Variants in PRIMA1 observed in about 807,000 individuals in gnomAD.
PRIMA1 encodes proline rich membrane anchor 1, also known as proline-rich membrane anchor 1.
PRIMA1 carries 7 observed loss-of-function variants against 17.5 expected under a neutral mutation model. That is an observed-to-expected ratio of 0.40 (90% confidence interval 0.23 to 0.75). PRIMA1 has a LOEUF of 0.75. Ranked by LOEUF, PRIMA1 falls within the 30% of genes least tolerant of loss-of-function variation. The pLI, the probability that PRIMA1 is intolerant of heterozygous loss-of-function variation, is 0.37. For missense variants in PRIMA1, 200 were observed against 201.8 expected (o/e 0.99, Z 0.05); for synonymous variants, 97 against 77.9 (o/e 1.25, Z -1.29).
At chr14:93,773,601 C>T (rs1885127692) in intron 3 of PRIMA1, among the ~76,000 whole-genome samples, 1 of 152,180 alleles carries the variant, frequency 6.6e-6, no homozygotes, top group South Asian at 2.1e-4. Flanking sequence ...GCCTGAAAAA[C>T]CCAAGGGCAG....
intron 4 of PRIMA1, among the ~76,000 whole-genome samples, chr14:93,728,831 A>G (rs8008754): frequency 0.36 from 55,301 of 152,030 alleles, 10,560 homozygotes; most frequent in East Asian, 0.62. Context: ...CACACCAAGG[A>G]TGCCGGCAGA....
chr14:93,751,070 G>C (rs568954298), intron 3 of PRIMA1, among the ~76,000 whole-genome samples: 1 of 152,220 alleles, frequency 6.6e-6, no homozygotes, highest in African/African-American at 2.4e-5. Flanking sequence ...AGGCTCGGGG[G>C]AGCTGCTTCC....
intron 4 of PRIMA1, among the ~76,000 whole-genome samples, chr14:93,736,533 C>G (rs1449822958): frequency 2.6e-5 from 4 of 152,254 alleles, no homozygotes; most frequent in Admixed American, 6.5e-5. Flanking sequence ...GGCAGATGCC[C>G]AGGACATGGC....
chr14:93,782,634 C>CA (rs1885416013), intron 2 of PRIMA1, among the ~76,000 whole-genome samples: 1 of 152,178 alleles, frequency 6.6e-6, no homozygotes, highest in Admixed American at 6.5e-5. Flanking sequence ...CAAAACAAAA[C>CA]AAAAAAATCA....
intron 2 of PRIMA1, among the ~76,000 whole-genome samples, chr14:93,785,227 T>C (rs1443978908): frequency 1.4e-5 from 2 of 146,850 alleles, no homozygotes; most frequent in African/African-American, 5.0e-5. Context: ...GGAAGTGAAC[T>C]TAGAAGAACC....
At chr14:93,769,742 T>G (rs948431451) in intron 3 of PRIMA1, among the ~76,000 whole-genome samples, 5 of 152,160 alleles carry the variant, frequency 3.3e-5, no homozygotes, top group Admixed American at 2.0e-4. Flanking sequence ...TCATCACAAC[T>G]TGGAGGAAAC....
chr14:93,759,393 C>A (rs1375895409), intron 3 of PRIMA1, among the ~76,000 whole-genome samples: 1 of 152,080 alleles, frequency 6.6e-6, no homozygotes, highest in East Asian at 1.9e-4. Flanking sequence ...CTACCCCTGA[C>A]TGAAAACCAC....
intron 4 of PRIMA1, among the ~76,000 whole-genome samples, chr14:93,725,059 G>A (rs531371949): frequency 1.1e-4 from 16 of 152,236 alleles, no homozygotes; most frequent in South Asian, 8.3e-4. Context: ...GAGGTGGCTC[G>A]GAAGAGCTAA....
intron 3 of PRIMA1, among the ~76,000 whole-genome samples, chr14:93,741,586 G>C (rs2141164398): frequency 6.6e-6 from 1 of 152,340 alleles, no homozygotes; most frequent in East Asian, 1.9e-4. Context: ...CCTTTACCAG[G>C]GCTGGTGCTA....
intron 3 of PRIMA1, among the ~76,000 whole-genome samples, chr14:93,777,061 A>G (rs1056484987): frequency 1.1e-4 from 17 of 152,256 alleles, no homozygotes; most frequent in African/African-American, 3.6e-4. Flanking sequence ...GTTTATTTAA[A>G]GAAAAAAATA....
intron 4 of PRIMA1, among the ~76,000 whole-genome samples, chr14:93,724,423 T>C (rs1215283767): frequency 1.3e-5 from 2 of 152,236 alleles, no homozygotes; most frequent in Non-Finnish European, 2.9e-5. Context: ...TGGGAAATGA[T>C]GGACTCTGCA....
chr14:93,775,853 C>T (rs1885202301), intron 3 of PRIMA1, among the ~76,000 whole-genome samples: 1 of 152,206 alleles, frequency 6.6e-6, no homozygotes, highest in Non-Finnish European at 1.5e-5. Context: ...GGGAAACCAC[C>T]TCTCCCTGAG....
chr14:93,733,099 C>T (rs933294220), intron 4 of PRIMA1, among the ~76,000 whole-genome samples: 2 of 152,198 alleles, frequency 1.3e-5, no homozygotes, highest in African/African-American at 4.8e-5. Context: ...TGGCTGGGAA[C>T]CCCCTCTGGA....
intron 2 of PRIMA1, among the ~76,000 whole-genome samples, chr14:93,786,895 C>T (rs1450477766): frequency 2.0e-5 from 3 of 152,224 alleles, no homozygotes; most frequent in South Asian, 2.1e-4. Context: ...AACTAACTCT[C>T]AGAGAGGGTA....
rs1248961610 is a variant in PRIMA1 at position 93,719,965 on chromosome 14, C to G, written c.*1479G>C. 2.6e-5 allele frequency: 4 copies of G among 152,224 alleles called. No homozygotes were observed. The highest frequency in any genetic ancestry group is 9.7e-5 in the African/African-American group (4 of 41,442). The allele number at this position is 152,224 out of a possible 1,614,324, so 9.4% of individuals were successfully genotyped here. A position where few individuals can be genotyped will look rare whatever the true frequency, so the allele number is the denominator to read the frequency against. On this transcript the variant is annotated 3_prime_UTR_variant, in exon 5 of 5. Coordinates refer to ENST00000393140, the MANE Select transcript of PRIMA1 (RefSeq NM_178013.4). ...GGACAATGGGCTTTTTAAGGTTCGG[C>G]CCAAATGGGGACCGGTTTTCAGGTG...
intron 4 of PRIMA1, among the ~76,000 whole-genome samples, chr14:93,736,683 C>T (rs1391816953): frequency 6.6e-6 from 1 of 152,214 alleles, no homozygotes; most frequent in African/African-American, 2.4e-5. Flanking sequence ...AGACTTTTAC[C>T]TTGATATTTT....
chr14:93,750,792 C>T (rs535629323), intron 3 of PRIMA1, among the ~76,000 whole-genome samples: 11 of 152,268 alleles, frequency 7.2e-5, no homozygotes, highest in African/African-American at 2.2e-4. Context: ...CAACCCACTC[C>T]TTCCGTATTA....
chr14:93,722,386 A>G (rs62648258), intron 4 of PRIMA1, among the ~76,000 whole-genome samples: 2,633 of 10,810 alleles, frequency 0.24, 351 homozygotes, highest in Middle Eastern at 0.5. Context: ...TAATGGGGTG[A>G]TGGTGGTAGT....
intron 3 of PRIMA1, among the ~76,000 whole-genome samples, chr14:93,757,852 G>T (rs1305783847): frequency 6.6e-6 from 1 of 152,242 alleles, no homozygotes; most frequent in East Asian, 1.9e-4. Context: ...AACTTGAAGA[G>T]AACCCTGTGT....
Sources: allele counts gnomAD v4.1 joint callset (sites outside exome capture counted in the v4.1 genomes callset), GRCh38; gene constraint gnomAD v4.1.1; transcripts MANE v1.5; gene names NCBI Gene and HGNC (gene_info 2026-07-23, HGNC 2026-07-21).